PATJ: variants seen among roughly 807,000 people sequenced by gnomAD.
The protein encoded by PATJ is PATJ crumbs cell polarity complex component, also known as inaD-like protein.
In PATJ, 190 loss-of-function variants were observed where a neutral mutation model predicts 224.9. The ratio of observed to expected loss-of-function variants is 0.84; its 90% CI spans 0.75 to 0.95. PATJ has a LOEUF of 0.95. Ranked by LOEUF, PATJ falls within the 40% of genes least tolerant of loss-of-function variation. The probability of loss-of-function intolerance (pLI) is 0.00; values close to 1 mark genes in which losing one functional copy is unlikely to be tolerated. For synonymous variants in PATJ, 769 were observed against 820.3 expected (o/e 0.94, Z 1.07); for missense variants, 2,121 against 2,270.3 (o/e 0.93, Z 1.34).
intron 27 of PATJ, among the ~76,000 whole-genome samples, chr1:61,984,178 T>TTTTTA (rs1644612416): frequency 7.3e-6 from 1 of 137,230 alleles, no homozygotes; most frequent in Admixed American, 7.3e-5. Flanking sequence ...TTTTTTTTTT[T>TTTTTA]GAGGCAGAGT....
intron 39 of PATJ, among the ~76,000 whole-genome samples, chr1:62,127,356 A>G (rs1665821315): frequency 6.6e-6 from 1 of 151,524 alleles, no homozygotes; most frequent in Non-Finnish European, 1.5e-5. Context: ...AATTTTTGTT[A>G]TCAGGCATAC....
At chr1:62,104,181 G>T (rs1312179516) in intron 33 of PATJ, among the ~76,000 whole-genome samples, 1 of 152,096 alleles carries the variant, frequency 6.6e-6, no homozygotes, top group Non-Finnish European at 1.5e-5. Context: ...AGTTTTGCTT[G>T]AATAATTCAA....
At chr1:61,823,802 T>C (rs1341374866) in intron 15 of PATJ, among the ~76,000 whole-genome samples, 1 of 152,086 alleles carries the variant, frequency 6.6e-6, no homozygotes, top group East Asian at 1.9e-4. Flanking sequence ...GTAGGTCTCA[T>C]GTTGTGTGTA....
chr1:61,760,275 A>G (rs996877382), intron 1 of PATJ, among the ~76,000 whole-genome samples: 1 of 152,188 alleles, frequency 6.6e-6, no homozygotes, highest in African/African-American at 2.4e-5. Context: ...CCTTTTATCA[A>G]TGTCAATGGC....
intron 27 of PATJ, among the ~76,000 whole-genome samples, chr1:61,977,970 G>A (rs936268963): frequency 6.6e-6 from 1 of 151,440 alleles, no homozygotes; most frequent in Non-Finnish European, 1.5e-5. Context: ...ACTATAGTTT[G>A]CTGTATTTTC....
At chr1:61,919,834 G>C (rs58151949) in intron 26 of PATJ, among the ~76,000 whole-genome samples, 10,393 of 152,082 alleles carry the variant, frequency 0.068, 1,046 homozygotes, top group African/African-American at 0.22. Flanking sequence ...ATCAGAGATT[G>C]TTGTGTATGT....
intron 28 of PATJ, among the ~76,000 whole-genome samples, chr1:61,997,826 A>G (rs1209066390): frequency 3.5e-5 from 2 of 57,390 alleles, no homozygotes; most frequent in African/African-American, 1.9e-4. Flanking sequence ...TTTTGTTTTA[A>G]AAAAAAAAAA....
At chr1:61,765,624 T>C (rs1360057345) in intron 3 of PATJ, among the ~76,000 whole-genome samples, 2 of 152,134 alleles carry the variant, frequency 1.3e-5, no homozygotes, top group African/African-American at 4.8e-5. Flanking sequence ...TTCTACTGTT[T>C]TGGCAGTTGT....
intron 17 of PATJ, among the ~76,000 whole-genome samples, chr1:61,838,212 T>C (rs1222388100): frequency 6.6e-6 from 1 of 152,180 alleles, no homozygotes; most frequent in Admixed American, 6.5e-5. Context: ...CTTCATGTAG[T>C]GGCTAGTTAA....
chr1:62,025,786 G>C (rs930628036), intron 29 of PATJ, among the ~76,000 whole-genome samples: 1 of 152,204 alleles, frequency 6.6e-6, no homozygotes, highest in Non-Finnish European at 1.5e-5. Context: ...TAGTGCCACT[G>C]CACTCCACCC....
intron 26 of PATJ, among the ~76,000 whole-genome samples, chr1:61,919,141 C>G (rs770410851): frequency 4.6e-5 from 7 of 151,254 alleles, no homozygotes; most frequent in Non-Finnish European, 8.8e-5. Flanking sequence ...TCTGTTATAT[C>G]TTTTTTCTGC....
intron 43 of PATJ, among the ~76,000 whole-genome samples, chr1:62,158,276 A>G (rs1032582045): frequency 1.3e-5 from 2 of 149,602 alleles, no homozygotes; most frequent in African/African-American, 2.4e-5. Flanking sequence ...GAGTAGATAC[A>G]TATCAGTAAG....
intron 29 of PATJ, among the ~76,000 whole-genome samples, chr1:62,033,962 A>G (rs866176583): frequency 2.2e-4 from 33 of 152,302 alleles, no homozygotes; most frequent in African/African-American, 7.9e-4. Flanking sequence ...AAGTACAGCA[A>G]TGAGGACACA....
At chr1:61,898,314 C>T (rs2499000) in intron 22 of PATJ, among the ~76,000 whole-genome samples, 36,115 of 151,984 alleles carry the variant, frequency 0.24, 4,933 homozygotes, top group African/African-American at 0.37. Context: ...GATCATAGCT[C>T]ACTACAGCCT....
intron 27 of PATJ, among the ~76,000 whole-genome samples, chr1:61,959,250 G>A (rs1278262601): frequency 6.6e-6 from 1 of 151,554 alleles, no homozygotes; most frequent in African/African-American, 2.4e-5. Flanking sequence ...TGGGACCGGG[G>A]ATTACATAGC....
chr1:62,037,686 T>C (rs1308740285), intron 29 of PATJ, among the ~76,000 whole-genome samples: 4 of 152,184 alleles, frequency 2.6e-5, no homozygotes, highest in African/African-American at 9.7e-5. Flanking sequence ...TCCAAACTTA[T>C]CCTCTGCAGC....
intron 17 of PATJ, among the ~76,000 whole-genome samples, chr1:61,834,785 C>T (rs767640095): frequency 6.6e-5 from 10 of 152,064 alleles, no homozygotes; most frequent in Non-Finnish European, 1.5e-4. Flanking sequence ...TTCTGTCTCC[C>T]AGGCTGGAGT....
rs1365989687 is a variant in PATJ at position 62,079,576 on chromosome 1, C to G, written c.4243+9C>G. 2 of 1,540,194 alleles carry G rather than the reference C, an allele frequency of 1.3e-6. No homozygotes were observed. Among genetic ancestry groups the G allele is most frequent in the African/African-American group, 2.7e-5 (2 of 73,102 alleles). On this transcript the variant is annotated intron_variant, in intron 32 of 43. Coordinates refer to ENST00000642238, the MANE Select transcript of PATJ (RefSeq NM_001350145.3). ...AGACTTCACAGGCTATGGTATGATT[C>G]TTTCTCTCAGCAGATCTGGCTCATT...
At chr1:61,794,322 T>A (rs928539146) in intron 9 of PATJ, among the ~76,000 whole-genome samples, 2 of 151,930 alleles carry the variant, frequency 1.3e-5, no homozygotes, top group Non-Finnish European at 2.9e-5. Context: ...ATTTTTAAAT[T>A]TTTTGTGAGA....
Sources: allele counts gnomAD v4.1 joint callset (sites outside exome capture counted in the v4.1 genomes callset), GRCh38; gene constraint gnomAD v4.1.1; transcripts MANE v1.5; gene names NCBI Gene and HGNC (gene_info 2026-07-23, HGNC 2026-07-21).